MBD5: variants seen among roughly 807,000 people sequenced by gnomAD.
The protein encoded by MBD5 is methyl-CpG-binding domain protein 5.
A neutral mutation model predicts 117.3 loss-of-function variants in MBD5; 13 were observed. The ratio of observed to expected loss-of-function variants is 0.11; its 90% CI spans 0.07 to 0.18. The LOEUF (loss-of-function observed/expected upper bound fraction) is 0.18. Ranked by LOEUF, MBD5 falls within the 10% of genes least tolerant of loss-of-function variation. The pLI, the probability that MBD5 is intolerant of heterozygous loss-of-function variation, is 1.00. For synonymous variants in MBD5, 727 were observed against 766.4 expected (o/e 0.95, Z 0.85); for missense variants, 1,879 against 2,093.8 (o/e 0.90, Z 2.00).
intron 1 of MBD5, among the ~76,000 whole-genome samples, chr2:148,119,788 T>C (rs554970647): frequency 3.9e-5 from 6 of 152,328 alleles, no homozygotes; most frequent in African/African-American, 1.4e-4. Flanking sequence ...TTAGTACCCT[T>C]GTCCAAAAAC....
chr2:148,339,803 G>A (rs558969249), intron 3 of MBD5, among the ~76,000 whole-genome samples: 1 of 151,946 alleles, frequency 6.6e-6, no homozygotes, highest in Non-Finnish European at 1.5e-5. Flanking sequence ...ATATTTTAAA[G>A]GTACTAGTGT....
At chr2:148,456,382 C>G (rs1460224853) in intron 4 of MBD5, among the ~76,000 whole-genome samples, 1 of 152,082 alleles carries the variant, frequency 6.6e-6, no homozygotes, top group Non-Finnish European at 1.5e-5. Flanking sequence ...TAATCATCTC[C>G]CAAAGGCTCT....
chr2:148,126,922 A>G (rs912077455), intron 1 of MBD5, among the ~76,000 whole-genome samples: 1 of 151,936 alleles, frequency 6.6e-6, no homozygotes, highest in Non-Finnish European at 1.5e-5. Flanking sequence ...AACTTTAGCA[A>G]TAAATTATTA....
chr2:148,043,273 A>T (rs1694417724), intron 1 of MBD5, among the ~76,000 whole-genome samples: 1 of 150,936 alleles, frequency 6.6e-6, no homozygotes, highest in East Asian at 1.9e-4. Flanking sequence ...AAAATACAAA[A>T]AAAAAATAAA....
chr2:148,268,762 AT>A (rs1416777016), intron 3 of MBD5, among the ~76,000 whole-genome samples: 1 of 151,804 alleles, frequency 6.6e-6, no homozygotes, highest in African/African-American at 2.4e-5. Flanking sequence ...TTTTTAACCT[AT>A]TATTATAATG....
At chr2:148,142,872 T>C (rs1457651906) in intron 1 of MBD5, among the ~76,000 whole-genome samples, 2 of 152,134 alleles carry the variant, frequency 1.3e-5, no homozygotes, top group Non-Finnish European at 2.9e-5. Flanking sequence ...AACTAGGTGA[T>C]TGAAAAAATA....
chr2:148,201,899 A>C (rs1699153095), intron 2 of MBD5, among the ~76,000 whole-genome samples: 1 of 152,178 alleles, frequency 6.6e-6, no homozygotes, highest in Admixed American at 6.5e-5. Context: ...AAAACAAATT[A>C]GGAAAGGGTA....
intron 3 of MBD5, among the ~76,000 whole-genome samples, chr2:148,340,102 A>G (rs1481125726): frequency 6.6e-6 from 1 of 151,886 alleles, no homozygotes; most frequent in African/African-American, 2.4e-5. Context: ...CTGCCTAAAA[A>G]CTCTTTAAAA....
chr2:148,051,274 T>C (rs1294685970), intron 1 of MBD5, among the ~76,000 whole-genome samples: 1 of 152,156 alleles, frequency 6.6e-6, no homozygotes, highest in Non-Finnish European at 1.5e-5. Context: ...AATTTTGTAT[T>C]CTGCATTTTT....
chr2:148,358,813 A>C (rs1703452252), intron 4 of MBD5, among the ~76,000 whole-genome samples: 1 of 152,000 alleles, frequency 6.6e-6, no homozygotes, highest in Non-Finnish European at 1.5e-5. Context: ...AAGACAAAAT[A>C]TAATTTATTC....
chr2:148,445,809 A>G lies in MBD5; in HGVS notation c.-556-12394A>G, dbSNP rs1451010645. On this transcript the variant is annotated intron_variant, in intron 4 of 13. Coordinates refer to ENST00000642680, the MANE Select transcript of MBD5 (RefSeq NM_001378120.1). The stretch of plus-strand genomic sequence containing the variant: ...CCTCTCCAGCACCTGTTGTTTTCTG[A>G]CTTTAATGGTCGCCATTCTAACTGG... Among the ~76,000 whole-genome samples, 3 of 151,154 alleles carry G rather than the reference A, an allele frequency of 2.0e-5. No individual in the cohort carries two copies. The East Asian group carries it at 5.8e-4, about 29-fold the overall frequency.
chr2:148,386,911 T>G (rs899284207), intron 4 of MBD5, among the ~76,000 whole-genome samples: 3 of 152,096 alleles, frequency 2.0e-5, no homozygotes, highest in Admixed American at 2.0e-4. Context: ...ATCAAATATT[T>G]AATTAAAAAC....
chr2:148,505,399 T>C (rs1051510111), intron 12 of MBD5, among the ~76,000 whole-genome samples: 2 of 152,074 alleles, frequency 1.3e-5, no homozygotes, highest in African/African-American at 2.4e-5. Flanking sequence ...AGGCTAAGGA[T>C]TGAACATGCA....
At chr2:148,465,067 A>G (rs1214810342) in intron 7 of MBD5, among the ~76,000 whole-genome samples, 2 of 152,156 alleles carry the variant, frequency 1.3e-5, no homozygotes, top group East Asian at 3.8e-4. Context: ...ATATCAATTA[A>G]GTCTTTTTCA....
intron 4 of MBD5, among the ~76,000 whole-genome samples, chr2:148,453,558 A>G (rs1419306698): frequency 6.6e-6 from 1 of 152,064 alleles, no homozygotes; most frequent in African/African-American, 2.4e-5. Context: ...ATATCACAAA[A>G]TCTTTAATTT....
In MBD5 at chr2:148,363,306, C is replaced by T. The variant is rs1467539350; in HGVS notation, c.-557+20970C>T. On this transcript the variant is annotated intron_variant, in intron 4 of 13. Transcript: ENST00000642680. ...GGAGTGCAGTGGCGCAATCTTGGCT[C>T]ACTGCCAGCTCCACCTCCTGGGTTC... Among the ~76,000 whole-genome samples, 4 of 152,150 alleles carry T rather than the reference C, an allele frequency of 2.6e-5. No individual in the cohort carries two copies. The South Asian group carries it at 6.2e-4, about 24-fold the overall frequency.
chr2:148,350,133 C>A (rs1703217009), intron 4 of MBD5, among the ~76,000 whole-genome samples: 1 of 151,902 alleles, frequency 6.6e-6, no homozygotes, highest in Non-Finnish European at 1.5e-5. Flanking sequence ...GCTAGGAGCA[C>A]CAATGTCCTC....
At chr2:148,214,412 CA>C (rs1699502825) in intron 2 of MBD5, among the ~76,000 whole-genome samples, 1 of 152,130 alleles carries the variant, frequency 6.6e-6, no homozygotes, top group African/African-American at 2.4e-5. Context: ...AATGTAAAAA[CA>C]ATTCACACAG....
chr2:148,059,201 AAC>A lies in MBD5; in HGVS notation c.-925+37519_-925+37520del, dbSNP rs755691668. Among the ~76,000 whole-genome samples the A allele has an allele frequency of 3.4e-4, 52 of 152,328 alleles. 1 individual carries two copies. Among genetic ancestry groups the A allele is most frequent in the Non-Finnish European group, 5.4e-4 (37 of 68,018 alleles). On this transcript the variant is annotated intron_variant, in intron 1 of 13. Transcript: ENST00000642680. Reference sequence around the variant, plus strand: ...TATTTCTGTAATTTGCAGATAGTCTAACATCATTTATAAATATTTAACTGAAG... The same window carrying A: ...TATTTCTGTAATTTGCAGATAGTCTAATCATTTATAAATATTTAACTGAAG...
Sources: allele counts gnomAD v4.1 joint callset (sites outside exome capture counted in the v4.1 genomes callset), GRCh38; gene constraint gnomAD v4.1.1; transcripts MANE v1.5; gene names NCBI Gene and HGNC (gene_info 2026-07-23, HGNC 2026-07-21).